MARCHF3: variants seen among roughly 807,000 people sequenced by gnomAD.
The protein encoded by MARCHF3 is E3 ubiquitin-protein ligase MARCHF3.
MARCHF3 carries 13 observed loss-of-function variants against 24.2 expected under a neutral mutation model. The ratio of observed to expected loss-of-function variants is 0.54; its 90% CI spans 0.35 to 0.85. The LOEUF is 0.85. Ranked by LOEUF, MARCHF3 falls within the 40% of genes least tolerant of loss-of-function variation. The pLI is 0.01. For synonymous variants in MARCHF3, 144 were observed against 137.3 expected (o/e 1.05, Z -0.34); for missense variants, 276 against 325.0 (o/e 0.85, Z 1.16).
intron 1 of MARCHF3, among the ~76,000 whole-genome samples, chr5:126,995,261 A>T (rs536565572): frequency 6.6e-6 from 1 of 152,352 alleles, no homozygotes; most frequent in African/African-American, 2.4e-5. Flanking sequence ...TTAAAAAAGC[A>T]CTAATACGTA....
At chr5:126,914,263 A>T (rs745422206) in intron 3 of MARCHF3, among the ~76,000 whole-genome samples, 1 of 152,120 alleles carries the variant, frequency 6.6e-6, no homozygotes, top group Non-Finnish European at 1.5e-5. Context: ...GATTACAGAC[A>T]TGAGCCACCG....
At chr5:126,953,760 A>C (rs574938174) in intron 1 of MARCHF3, among the ~76,000 whole-genome samples, 2 of 152,220 alleles carry the variant, frequency 1.3e-5, no homozygotes, top group Admixed American at 1.3e-4. Flanking sequence ...CACTCTGGGA[A>C]ATGTTCTATT....
intron 4 of MARCHF3, among the ~76,000 whole-genome samples, chr5:126,872,291 C>T (rs543146129): frequency 5.3e-5 from 8 of 152,004 alleles, no homozygotes; most frequent in African/African-American, 1.9e-4. Flanking sequence ...AACTCCCGAC[C>T]TTAGGTGATC....
At chr5:126,892,736 TG>T (rs1477979993) in intron 3 of MARCHF3, among the ~76,000 whole-genome samples, 1 of 149,770 alleles carries the variant, frequency 6.7e-6, no homozygotes, top group East Asian at 2.0e-4. Flanking sequence ...TCAAGGATAT[TG>T]GTCTAAAATT....
intron 1 of MARCHF3, among the ~76,000 whole-genome samples, chr5:126,948,174 A>G (rs538798489): frequency 1.3e-4 from 20 of 152,096 alleles, no homozygotes; most frequent in Non-Finnish European, 2.6e-4. Context: ...AGTATCTTCA[A>G]TGTGCCTGCC....
chr5:126,908,852 T>C (rs4458630), intron 3 of MARCHF3, among the ~76,000 whole-genome samples: 152,275 of 152,288 alleles, frequency 1, 76,131 homozygotes, highest in Middle Eastern at 1. Context: ...AGCTTTGTTC[T>C]GTTGCTGGTG....
intron 1 of MARCHF3, among the ~76,000 whole-genome samples, chr5:126,991,600 G>T (rs1452880090): frequency 6.6e-6 from 1 of 151,956 alleles, no homozygotes; most frequent in Non-Finnish European, 1.5e-5. Flanking sequence ...CATGCCTGTA[G>T]TCCCAGCTAC....
chr5:127,015,540 T>C lies in MARCHF3; in HGVS notation c.-57+14810A>G, dbSNP rs80247636. 1.3e-4 allele frequency among the ~76,000 whole-genome samples: 20 copies of C among 152,272 alleles called. No homozygotes were observed. In the East Asian group the frequency reaches 3.7e-3, roughly 28 times the overall value. On this transcript the variant is annotated intron_variant, in intron 1 of 4. Coordinates refer to ENST00000308660, the MANE Select transcript of MARCHF3 (RefSeq NM_178450.5). ...GAAAAAAACACAAAAGCACACACTTTAGTGGAGAAGGTCCCAAGCTGAAAG... is the reference window on the plus strand; with the variant it reads ...GAAAAAAACACAAAAGCACACACTTCAGTGGAGAAGGTCCCAAGCTGAAAG...
At chr5:126,882,043 T>C (rs1024176270) in intron 3 of MARCHF3, among the ~76,000 whole-genome samples, 6 of 152,202 alleles carry the variant, frequency 3.9e-5, no homozygotes, top group African/African-American at 1.2e-4. Flanking sequence ...AACAGTCCTA[T>C]GTAGTAGGTG....
chr5:126,987,358 G>A (rs534385658), intron 1 of MARCHF3, among the ~76,000 whole-genome samples: 184 of 152,246 alleles, frequency 1.2e-3, no homozygotes, highest in African/African-American at 4.0e-3. Context: ...CAGAAAAAAA[G>A]AAAGAAAATA....
At chr5:126,874,515 G>A (rs978490137) in intron 4 of MARCHF3, among the ~76,000 whole-genome samples, 2 of 151,976 alleles carry the variant, frequency 1.3e-5, no homozygotes, top group Non-Finnish European at 2.9e-5. Flanking sequence ...GAACCTGGGA[G>A]GCGGAGGTTG....
At chr5:126,980,089 A>G (rs751330797) in intron 1 of MARCHF3, among the ~76,000 whole-genome samples, 8 of 152,104 alleles carry the variant, frequency 5.3e-5, no homozygotes, top group Non-Finnish European at 1.0e-4. Flanking sequence ...TGACACAGAG[A>G]TGTCACCACG....
chr5:126,959,644 G>T (rs1435432859), intron 1 of MARCHF3, among the ~76,000 whole-genome samples: 1 of 152,146 alleles, frequency 6.6e-6, no homozygotes, highest in Non-Finnish European at 1.5e-5. Context: ...AATAATAGGG[G>T]AAAGAAGGTG....
intron 1 of MARCHF3, among the ~76,000 whole-genome samples, chr5:126,966,749 A>T (rs999959072): frequency 4.6e-5 from 7 of 151,888 alleles, no homozygotes; most frequent in Non-Finnish European, 7.4e-5. Context: ...TAGGAATATC[A>T]AAAGTTGTGC....
At chr5:126,916,278 C>T (rs929340172) in intron 2 of MARCHF3, among the ~76,000 whole-genome samples, 5 of 152,138 alleles carry the variant, frequency 3.3e-5, no homozygotes, top group Non-Finnish European at 7.3e-5. Flanking sequence ...AAAATGTGTC[C>T]TCATGATATG....
At chr5:126,978,511 G>C (rs1484302426) in intron 1 of MARCHF3, among the ~76,000 whole-genome samples, 2 of 152,166 alleles carry the variant, frequency 1.3e-5, no homozygotes, top group African/African-American at 4.8e-5. Context: ...AAGGTGAAAG[G>C]ATCACAGGAG....
intron 1 of MARCHF3, among the ~76,000 whole-genome samples, chr5:126,966,409 C>T (rs1214543181): frequency 6.6e-6 from 1 of 151,212 alleles, no homozygotes; most frequent in African/African-American, 2.5e-5. Flanking sequence ...CAAAAACAAT[C>T]TCATCCATCT....
chr5:126,987,517 G>A (rs369087506), intron 1 of MARCHF3, among the ~76,000 whole-genome samples: 2 of 152,134 alleles, frequency 1.3e-5, no homozygotes, highest in African/African-American at 4.8e-5. Flanking sequence ...CAGCCCCCAC[G>A]ACTGCGTGAG....
intron 3 of MARCHF3, among the ~76,000 whole-genome samples, chr5:126,886,711 C>T (rs1753520863): frequency 6.6e-6 from 1 of 152,162 alleles, no homozygotes; most frequent in African/African-American, 2.4e-5. Flanking sequence ...GTGCAGCAAA[C>T]ATGACAAGCT....
Sources: allele counts gnomAD v4.1 joint callset (sites outside exome capture counted in the v4.1 genomes callset), GRCh38; gene constraint gnomAD v4.1.1; transcripts MANE v1.5; gene names NCBI Gene and HGNC (gene_info 2026-07-23, HGNC 2026-07-21).